The following AFG2A variants were observed in gnomAD, a reference collection of about 807,000 sequenced individuals.
AFG2A encodes the protein AAA ATPase AFG2A, also known as ATPase family gene 2 protein homolog A.
the AFG2A span, among the ~76,000 whole-genome samples, chr4:123,298,839 T>C: frequency 6.6e-6 from 1 of 152,138 alleles, no homozygotes; most frequent in African/African-American, 2.4e-5. Context: ...GTGTGGGGGG[T>C]TTAAATTCCA....
chr4:122,991,748 A>G, the AFG2A span, among the ~76,000 whole-genome samples: 13 of 152,172 alleles, frequency 8.5e-5, no homozygotes, highest in Non-Finnish European at 1.8e-4. Context: ...TTTCAAATTT[A>G]CTATTGAATT....
chr4:123,126,915 C>T, the AFG2A span, among the ~76,000 whole-genome samples: 3 of 151,978 alleles, frequency 2.0e-5, no homozygotes, highest in South Asian at 4.2e-4. Flanking sequence ...GAATTTTGCC[C>T]GTTAATTAAA....
chr4:122,998,911 G>A, the AFG2A span, among the ~76,000 whole-genome samples: 3 of 152,078 alleles, frequency 2.0e-5, no homozygotes, highest in Admixed American at 1.3e-4. Context: ...TGGTTGAACT[G>A]GTTTATAGTC....
the AFG2A span, among the ~76,000 whole-genome samples, chr4:123,130,562 G>A: frequency 1.3e-5 from 2 of 152,038 alleles, no homozygotes; most frequent in African/African-American, 4.8e-5. Context: ...ACATGTTTTC[G>A]AGATTCGTCT....
chr4:123,069,884 A>G, the AFG2A span, among the ~76,000 whole-genome samples: 1 of 152,196 alleles, frequency 6.6e-6, no homozygotes, highest in Non-Finnish European at 1.5e-5. Context: ...TACAGCAACA[A>G]AATCTCTATT....
At chr4:123,031,151 C>T in the AFG2A span, among the ~76,000 whole-genome samples, 2 of 152,058 alleles carry the variant, frequency 1.3e-5, no homozygotes, top group African/African-American at 2.4e-5. Context: ...GGAATTCATA[C>T]TCTGTTCTCT....
At chr4:122,934,571 C>G in the AFG2A span, 2 of 1,613,684 alleles carry the variant, frequency 1.2e-6, no homozygotes, top group Non-Finnish European at 1.7e-6. Context: ...TATTTTATTT[C>G]TTCAACAACA....
chr4:123,188,881 AAAGTCATTAAACTTAC>A, the AFG2A span, among the ~76,000 whole-genome samples: 1 of 152,210 alleles, frequency 6.6e-6, no homozygotes, highest in Non-Finnish European at 1.5e-5. Flanking sequence ...AGCAGTTGTC[AAAGTCATTAAACTTAC>A]AAGTTTATCA....
At chr4:122,946,742 T>C in the AFG2A span, among the ~76,000 whole-genome samples, 5 of 152,188 alleles carry the variant, frequency 3.3e-5, no homozygotes, top group Admixed American at 1.3e-4. Context: ...AATTTAAAAA[T>C]GTATCCATAT....
the AFG2A span, among the ~76,000 whole-genome samples, chr4:123,310,127 T>C: frequency 1.4e-4 from 22 of 152,208 alleles, no homozygotes; most frequent in African/African-American, 5.1e-4. Flanking sequence ...GCTTTTGCTT[T>C]TGGAATTTCT....
chr4:123,160,794 G>A, the AFG2A span, among the ~76,000 whole-genome samples: 1 of 151,854 alleles, frequency 6.6e-6, no homozygotes, highest in East Asian at 1.9e-4. Context: ...GAAACCATGG[G>A]TTATATTAAC....
chr4:123,215,114 A>G, the AFG2A span, among the ~76,000 whole-genome samples: 2 of 152,130 alleles, frequency 1.3e-5, no homozygotes, highest in Non-Finnish European at 2.9e-5. Context: ...ATATAGAAAC[A>G]TTCCATTTCC....
the AFG2A span, among the ~76,000 whole-genome samples, chr4:123,008,875 T>C: frequency 1.1e-4 from 16 of 152,332 alleles, no homozygotes; most frequent in African/African-American, 3.4e-4. Context: ...TTTTCTTTAA[T>C]GTCCTGGGTT....
At chr4:123,008,689 C>T in the AFG2A span, among the ~76,000 whole-genome samples, 13 of 152,096 alleles carry the variant, frequency 8.5e-5, no homozygotes, top group Non-Finnish European at 1.6e-4. Context: ...GAAATTTCTT[C>T]TCGTTTTGAT....
the AFG2A span, among the ~76,000 whole-genome samples, chr4:122,985,995 G>T: frequency 4.0e-5 from 6 of 151,708 alleles, no homozygotes; most frequent in Non-Finnish European, 7.4e-5. Context: ...TCAGTTCGAA[G>T]AATTTTTTAA....
chr4:122,959,660 T>G, the AFG2A span, among the ~76,000 whole-genome samples: 3 of 152,228 alleles, frequency 2.0e-5, no homozygotes, highest in Admixed American at 6.5e-5. Context: ...GCTTCCTGAT[T>G]GTTTCTGTAA....
At chr4:123,189,634 GT>G in the AFG2A span, among the ~76,000 whole-genome samples, 1 of 151,958 alleles carries the variant, frequency 6.6e-6, no homozygotes, top group East Asian at 1.9e-4. Context: ...GTTTACTGTT[GT>G]TTGTTTCACT....
chr4:123,059,008 TG>T, the AFG2A span, among the ~76,000 whole-genome samples: 1 of 152,102 alleles, frequency 6.6e-6, no homozygotes, highest in African/African-American at 2.4e-5. Context: ...CTAGGTACTA[TG>T]GGGGTACAGG....
chr4:123,085,732 A>G, the AFG2A span, among the ~76,000 whole-genome samples: 9 of 152,088 alleles, frequency 5.9e-5, no homozygotes, highest in African/African-American at 1.9e-4. Context: ...AATATCTACG[A>G]TATTTGTTAC....
Sources: allele counts gnomAD v4.1 joint callset (sites outside exome capture counted in the v4.1 genomes callset), GRCh38; gene constraint gnomAD v4.1.1; transcripts MANE v1.5; gene names NCBI Gene and HGNC (gene_info 2026-07-23, HGNC 2026-07-21).